The following CHRNA4 variants were observed in gnomAD, a reference collection of about 807,000 sequenced individuals.
CHRNA4 encodes the protein neuronal acetylcholine receptor subunit alpha-4.
Under a neutral mutation model 48.9 loss-of-function variants are expected in CHRNA4, and 28 were observed. That is an observed-to-expected ratio of 0.57 (90% confidence interval 0.42 to 0.79). The LOEUF is 0.79. CHRNA4 is among the 30% of genes least tolerant of loss of function. The probability of loss-of-function intolerance (pLI) is 0.00; values close to 1 mark genes in which losing one functional copy is unlikely to be tolerated. For synonymous variants in CHRNA4, 425 were observed against 402.3 expected, an observed-to-expected ratio of 1.06 and a Z score of -0.68; for missense variants, 859 against 898.4, an observed-to-expected ratio of 0.96 and a Z score of 0.56.
Position 63,344,690 on chromosome 20 carries a change from T to C in CHRNA4, c.*2048A>G, listed in dbSNP as rs2068461560. 2.2e-6 allele frequency: 1 copy of C among 454,030 alleles called. No homozygotes were observed. Among genetic ancestry groups the C allele is most frequent in the Non-Finnish European group, 4.4e-6 (1 of 226,770 alleles). 28.1% of individuals were successfully genotyped at this position (454,030 alleles called of 1,614,324 possible). On this transcript the variant is annotated 3_prime_UTR_variant, in exon 6 of 6. Transcript: ENST00000370263. The surrounding 1 kb of genome is among the most constrained non-coding windows in gnomAD (Gnocchi z 4.5). ...CTGGCAGCTGGGTCCACTTATGCAA[T>C]GTGGATCGGGCTTCTTACATCTGAA...
rs1461659206 is a variant in CHRNA4, at chr20:63,361,322, G to A, written c.-157C>T. 1 of 1,196,554 alleles carries A rather than the reference G, an allele frequency of 8.4e-7. No homozygotes were observed. Among genetic ancestry groups the A allele is most frequent in the Non-Finnish European group, 1.0e-6 (1 of 968,982 alleles). 74.1% of individuals were successfully genotyped at this position (1,196,554 alleles called of 1,614,324 possible). A position where few individuals can be genotyped will look rare whatever the true frequency, so the allele number is the denominator to read the frequency against. ...TCCTGTGGGGCGCGGTGCGGCGGCG[G>A]CGCGGCAGGGAGCGCCGGGCTGTGG... is the stretch of plus-strand genomic sequence containing the variant. On this transcript the variant is annotated 5_prime_UTR_variant, in exon 1 of 6. Transcript: ENST00000370263.
At position 63,346,485 on chromosome 20, in the gene CHRNA4, C is replaced by T. The variant is rs1196875139; in HGVS notation, c.*253G>A. 7 of 660,670 alleles carry T rather than the reference C, an allele frequency of 1.1e-5. No homozygotes were observed. The highest frequency in any genetic ancestry group is 4.1e-5 in the Admixed American group (2 of 48,388). 40.9% of individuals were successfully genotyped at this position (660,670 alleles called of 1,614,324 possible). On this transcript the variant is annotated 3_prime_UTR_variant, in exon 6 of 6. Transcript: ENST00000370263. ...CCCGAGTCCTGCAGGTAGAAGGCGC[C>T]GACCCCCACCTCTGCTCCAAGCCAC...
Position 63,345,442 on chromosome 20 carries a change from C to A in CHRNA4, c.*1296G>T. The stretch of plus-strand genomic sequence containing the variant: ...TGTGCCCATCCCAAGGGGAAGTGTG[C>A]CCCTGGGGACACTGGGGGGCTGCCG... On this transcript the variant is annotated 3_prime_UTR_variant, in exon 6 of 6. Transcript: ENST00000370263. This position sits in a 1 kb window ranked among gnomAD's most constrained non-coding sequence, Gnocchi z 5.4. 2.6e-6 allele frequency: 1 copy of A among 388,826 alleles called. No homozygotes were observed. Among genetic ancestry groups the A allele is most frequent in the South Asian group, 1.8e-5 (1 of 54,258 alleles). 24.1% of individuals were successfully genotyped at this position (388,826 alleles called of 1,614,324 possible). A position where few individuals can be genotyped will look rare whatever the true frequency, so the allele number is the denominator to read the frequency against.
At chr20:63,355,187 GCGCTGGC>G (rs2068698636) in intron 4 of CHRNA4, among the ~76,000 whole-genome samples, 1 of 152,192 alleles carries the variant, frequency 6.6e-6, no homozygotes, top group Admixed American at 6.5e-5. Context: ...AGCTCAGAGA[GCGCTGGC>G]TGCCGGGCGC....
chr20:63,346,982 C>T, intron 5 of CHRNA4, 119 bp from the exon 6 acceptor site: 2 of 1,480,178 alleles, frequency 1.4e-6, no homozygotes, highest in Non-Finnish European at 1.9e-6. Context: ...CCCGAGGCAG[C>T]CATTGCTGCT....
chr20:63,360,986 G>T, intron 1 of CHRNA4, 104 bp downstream of exon 1: 1 of 1,006,270 alleles, frequency 9.9e-7, no homozygotes, highest in Non-Finnish European at 1.3e-6. Flanking sequence ...GCGCGCACCC[G>T]CGGCTTGGGA....
Position 63,359,655 on chromosome 20 carries a change from G to C in CHRNA4, c.121C>G (p.Leu41Val). The C allele has an allele frequency of 6.2e-7, 1 of 1,612,256 alleles. No homozygotes were observed. The highest frequency in any genetic ancestry group is 8.5e-7 in the Non-Finnish European group (1 of 1,179,910). The stretch of plus-strand genomic sequence containing the variant: ...TTGTAACCGGAGAAGAGTTTCTTCA[G>C]GAGCCGCTCCTCGGCGTGGGCCCGG... ...ETRAHAEERL[L>V]KKLFSGYNKW... Residue 41 changes from leucine to valine, a missense_variant, in exon 2 of 6, where the codon CTG becomes GTG. Coordinates refer to ENST00000370263, the MANE Select transcript of CHRNA4 (RefSeq NM_000744.7).
In CHRNA4 at chr20:63,344,900, T is replaced by A. The variant is rs1196925080; in HGVS notation, c.*1838A>T. The A allele has an allele frequency of 2.5e-6, 1 of 405,038 alleles. No homozygotes were observed. The highest frequency in any genetic ancestry group is 5.0e-6 in the Non-Finnish European group (1 of 199,248). The allele number at this position is 405,038 out of a possible 1,614,324, so 25.1% of individuals were successfully genotyped here. On this transcript the variant is annotated 3_prime_UTR_variant, in exon 6 of 6. Transcript: ENST00000370263. The surrounding 1 kb of genome is among the most constrained non-coding windows in gnomAD (Gnocchi z 4.5). ...TGGGGTCCTGAATACACGGGGGATG[T>A]GGGAGGGGCCAGGGGGCTGGGGATG...
At chr20:63,349,019 T>C (rs946763139) in intron 5 of CHRNA4, among the ~76,000 whole-genome samples, 2 of 152,110 alleles carry the variant, frequency 1.3e-5, no homozygotes, top group African/African-American at 4.8e-5. Context: ...GTAGGTGGGC[T>C]GGCCCCGGGC....
At chr20:63,359,903 G>GTGTGTGTGTGCTGGGCGTGCGC (rs758593745) in intron 1 of CHRNA4, 1 of 402,782 alleles carries the variant, frequency 2.5e-6, no homozygotes, top group East Asian at 4.1e-5. Flanking sequence ...TGTGCTGTGT[G>GTGTGTGTGTGCTGGGCGTGCGC]TGTGTGTGTG....
In CHRNA4 at chr20:63,361,114, G is replaced by A; in HGVS notation, c.52C>T (p.Leu18Phe). Reference sequence around the variant, plus strand: ...CCGCGCAGGAGGCCGGTCCCCAGAAGCAGCAGCAGCGGCGGCAGCAGCCGC... The same window carrying A: ...CCGCGCAGGAGGCCGGTCCCCAGAAACAGCAGCAGCGGCGGCAGCAGCCGC... ...APRLLPPLLL[L>F]LGTGLLRASS... The change falls in exon 1 of 6, where the codon CTT becomes TTT. Residue 18 changes from leucine to phenylalanine, a missense_variant. Transcript: ENST00000370263. 1.4e-6 allele frequency: 2 copies of A among 1,477,264 alleles called. No homozygotes were observed. The highest frequency in any genetic ancestry group is 1.8e-6 in the Non-Finnish European group (2 of 1,119,974). 91.5% of individuals were successfully genotyped at this position (1,477,264 alleles called of 1,614,324 possible).
At position 63,346,028 on chromosome 20, in the gene CHRNA4, G is replaced by A. The variant is rs1019892577; in HGVS notation, c.*710C>T. ...TTCCTGTCCCCCGCGGAGGGCCTGC[G>A]CAGGGGAGAGCTGGTCCCGCGTGGG... On this transcript the variant is annotated 3_prime_UTR_variant, in exon 6 of 6. Coordinates refer to ENST00000370263, the MANE Select transcript of CHRNA4 (RefSeq NM_000744.7). The A allele has an allele frequency of 5.3e-5, 24 of 453,992 alleles. No homozygotes were observed. Among genetic ancestry groups the A allele is most frequent in the Middle Eastern group, 6.9e-4 (1 of 1,444 alleles). The allele number at this position is 453,992 out of a possible 1,614,324, so 28.1% of individuals were successfully genotyped here.
rs369862460 is a variant in CHRNA4 at position 63,352,253 on chromosome 20, C to T, written c.384-1226G>A. Among the ~76,000 whole-genome samples, 56 of 152,220 alleles carry T rather than the reference C, an allele frequency of 3.7e-4. 1 individual carries two copies. In the South Asian group the frequency reaches 9.3e-3, roughly 25 times the overall value. On this transcript the variant is annotated intron_variant, in intron 4 of 5. Coordinates refer to ENST00000370263, the MANE Select transcript of CHRNA4 (RefSeq NM_000744.7). ...GTTCCCTGAGCTTCCTCTGTGCCTG[C>T]CCCCGAGTCCCAGGGCTGGACCTGC...
rs2068497663 is a variant in CHRNA4 at position 63,346,552 on chromosome 20, T to C, written c.*186A>G. Reference sequence around the variant, plus strand: ...AGTCCAACTGGAAGCAGCTCCACACTCGGTCTCCCCAGAGGCCGTGTCCCC... The same window carrying C: ...AGTCCAACTGGAAGCAGCTCCACACCCGGTCTCCCCAGAGGCCGTGTCCCC... On this transcript the variant is annotated 3_prime_UTR_variant, in exon 6 of 6. Coordinates refer to ENST00000370263, the MANE Select transcript of CHRNA4 (RefSeq NM_000744.7). 1.2e-6 allele frequency: 1 copy of C among 843,374 alleles called. No homozygotes were observed. The highest frequency in any genetic ancestry group is 1.9e-6 in the Non-Finnish European group (1 of 518,644). 52.2% of individuals were successfully genotyped at this position (843,374 alleles called of 1,614,324 possible). A position where few individuals can be genotyped will look rare whatever the true frequency, so the allele number is the denominator to read the frequency against.
chr20:63,357,922 G>A (rs1246079914), intron 2 of CHRNA4, among the ~76,000 whole-genome samples: 1 of 152,184 alleles, frequency 6.6e-6, no homozygotes, highest in Non-Finnish European at 1.5e-5. Flanking sequence ...GGCAAACTGG[G>A]GACTCTGTGG....
chr20:63,349,513 A>G, intron 5 of CHRNA4, 140 bp downstream of exon 5: 3 of 1,106,856 alleles, frequency 2.7e-6, no homozygotes, highest in Non-Finnish European at 4.0e-6. Flanking sequence ...AGGCTGCTGC[A>G]GCAGGGGCCA....
rs398040812 is a variant in CHRNA4, at chr20:63,344,494, C to CAA, written c.*2242_*2243dup. ...TTATTTGGATTTTTTTTTTGAGCCTCAAAAAAAAAAAGAAAGGGAAAGGGG... is the reference window on the plus strand; with the variant it reads ...TTATTTGGATTTTTTTTTTGAGCCTCAAAAAAAAAAAAAGAAAGGGAAAGGGG... On this transcript the variant is annotated 3_prime_UTR_variant, in exon 6 of 6. Coordinates refer to ENST00000370263, the MANE Select transcript of CHRNA4 (RefSeq NM_000744.7). The surrounding 1 kb of genome is among the most constrained non-coding windows in gnomAD (Gnocchi z 4.5). The CAA allele has an allele frequency of 1.8e-3, 716 of 403,144 alleles. No individual in the cohort carries two copies. Among genetic ancestry groups the CAA allele is most frequent in the Admixed American group, 3.3e-3 (122 of 37,162 alleles). 25.0% of individuals were successfully genotyped at this position (403,144 alleles called of 1,614,324 possible).
intron 1 of CHRNA4, 57 bp downstream of exon 1, chr20:63,361,033 G>A: frequency 1.5e-6 from 2 of 1,340,376 alleles, no homozygotes; most frequent in Admixed American, 3.1e-5. Flanking sequence ...GGCTCTGGGG[G>A]TCCCAGGCCA....
chr20:63,350,480 G>C lies in CHRNA4; in HGVS notation c.931C>G (p.Leu311Val). The change falls in exon 5 of 6, where the codon CTG becomes GTG. Residue 311 changes from leucine (L) to valine (V), a missense_variant. Transcript: ENST00000370263. ...AGGGTGACGAAGATCATGGTGAACAGCAGGTACTCGCCGATGAGTGGGATG... is the reference window on the plus strand; with the variant it reads ...AGGGTGACGAAGATCATGGTGAACACCAGGTACTCGCCGATGAGTGGGATG... ...LVIPLIGEYLLFTMIFVTLSI... is the reference protein window; with the variant it reads ...LVIPLIGEYLVFTMIFVTLSI... 2 of 1,614,002 alleles carry C rather than the reference G, an allele frequency of 1.2e-6. No individual in the cohort carries two copies. The highest frequency in any genetic ancestry group is 1.7e-6 in the Non-Finnish European group (2 of 1,180,026).
Sources: allele counts gnomAD v4.1 joint callset (sites outside exome capture counted in the v4.1 genomes callset), GRCh38; gene constraint gnomAD v4.1.1; non-coding constraint Gnocchi (gnomAD v3.1); transcripts MANE v1.5; gene names NCBI Gene and HGNC (gene_info 2026-07-23, HGNC 2026-07-21).